The following ULK4 variants were observed in gnomAD, a reference collection of about 807,000 sequenced individuals.
ULK4 encodes the protein inactive serine/threonine-protein kinase ULK4.
ULK4 carries 133 observed loss-of-function variants against 160.6 expected under a neutral mutation model. That is an observed-to-expected ratio of 0.83 (90% CI 0.72 to 0.96). The LOEUF (loss-of-function observed/expected upper bound fraction) is 0.96. Ranked by LOEUF, ULK4 falls within the 40% of genes least tolerant of loss-of-function variation. The pLI is 0.00. For synonymous variants in ULK4, 534 were observed against 539.8 expected, an observed-to-expected ratio of 0.99 and a Z score of 0.15; for missense variants, 1,580 against 1,499.5, an observed-to-expected ratio of 1.05 and a Z score of -0.89.
intron 32 of ULK4, among the ~76,000 whole-genome samples, chr3:41,558,571 G>A (rs2087400278): frequency 6.6e-6 from 1 of 151,934 alleles, no homozygotes; most frequent in African/African-American, 2.4e-5. Flanking sequence ...GGGCATGGTG[G>A]TGGGCGACTG....
intron 35 of ULK4, among the ~76,000 whole-genome samples, chr3:41,282,427 G>A (rs1253290450): frequency 1.3e-5 from 2 of 152,180 alleles, no homozygotes; most frequent in African/African-American, 4.8e-5. Context: ...AACCAAAACA[G>A]CATGGTACTG....
chr3:41,803,375 C>T (rs180758169), intron 19 of ULK4, among the ~76,000 whole-genome samples: 44 of 152,168 alleles, frequency 2.9e-4, no homozygotes, highest in African/African-American at 1.0e-3. Flanking sequence ...CAACTCCATA[C>T]TCATAGATTA....
At chr3:41,632,649 C>T (rs2033796017) in intron 30 of ULK4, among the ~76,000 whole-genome samples, 1 of 151,442 alleles carries the variant, frequency 6.6e-6, no homozygotes, top group Non-Finnish European at 1.5e-5. Flanking sequence ...CCCGTAATGA[C>T]AATAGCAGTA....
At chr3:41,625,003 A>C (rs956454759) in intron 30 of ULK4, among the ~76,000 whole-genome samples, 1 of 152,200 alleles carries the variant, frequency 6.6e-6, no homozygotes, top group Admixed American at 6.5e-5. Context: ...ATGACTTATG[A>C]ACTCACCTCA....
At chr3:41,662,772 C>A (rs576963361) in intron 30 of ULK4, among the ~76,000 whole-genome samples, 2 of 152,180 alleles carry the variant, frequency 1.3e-5, no homozygotes, top group African/African-American at 4.8e-5. Flanking sequence ...CTTTCTTTCT[C>A]CTTTCTTCCC....
At chr3:41,681,425 A>G in intron 29 of ULK4, 83 bp downstream of exon 29, 1 of 1,573,400 alleles carries the variant, frequency 6.4e-7, no homozygotes, top group South Asian at 1.2e-5. Flanking sequence ...TCAAGACCCC[A>G]ACCCCATCAC....
intron 32 of ULK4, among the ~76,000 whole-genome samples, chr3:41,466,560 G>T (rs187628633): frequency 1.3e-5 from 2 of 152,068 alleles, no homozygotes; most frequent in African/African-American, 4.8e-5. Context: ...AATTAAAAAG[G>T]TTCTAGGAGA....
chr3:41,755,051 T>C (rs2038754919), intron 21 of ULK4, among the ~76,000 whole-genome samples: 1 of 152,204 alleles, frequency 6.6e-6, no homozygotes, highest in African/African-American at 2.4e-5. Context: ...TGACAAGGAA[T>C]AGTGCTACTT....
At chr3:41,544,314 C>G (rs1457880670) in intron 32 of ULK4, among the ~76,000 whole-genome samples, 1 of 152,194 alleles carries the variant, frequency 6.6e-6, no homozygotes. Context: ...AACAACTGGC[C>G]AGACATTTCC....
intron 34 of ULK4, among the ~76,000 whole-genome samples, chr3:41,423,293 C>T (rs1280083520): frequency 6.6e-6 from 1 of 152,096 alleles, no homozygotes; most frequent in South Asian, 2.1e-4. Flanking sequence ...TGAATTGTTA[C>T]AATGTGCTTA....
chr3:41,816,235 TACTC>T (rs776531176), intron 19 of ULK4, among the ~76,000 whole-genome samples: 5 of 152,022 alleles, frequency 3.3e-5, no homozygotes, highest in South Asian at 4.1e-4. Flanking sequence ...AATACACACA[TACTC>T]ACACACACAC....
At chr3:41,649,783 C>T (rs2034665011) in intron 30 of ULK4, among the ~76,000 whole-genome samples, 1 of 152,222 alleles carries the variant, frequency 6.6e-6, no homozygotes, top group African/African-American at 2.4e-5. Context: ...GGTTCCTGGG[C>T]AGAAGAGGGA....
intron 27 of ULK4, among the ~76,000 whole-genome samples, chr3:41,699,076 G>C (rs894111300): frequency 6.6e-6 from 1 of 152,102 alleles, no homozygotes; most frequent in Non-Finnish European, 1.5e-5. Context: ...GGAGCTATGA[G>C]CACTTTTAGC....
At chr3:41,576,637 C>T (rs77180912) in intron 31 of ULK4, among the ~76,000 whole-genome samples, 1,763 of 152,284 alleles carry the variant, frequency 0.012, 31 homozygotes, top group Non-Finnish European at 0.018. Context: ...CTAAAATTTG[C>T]TATGTAATGG....
At position 41,301,570 on chromosome 3, in the gene ULK4, A is replaced by G. The variant is rs115554239; in HGVS notation, c.3679-51996T>C. On this transcript the variant is annotated intron_variant, in intron 35 of 36. Transcript: ENST00000301831. The stretch of plus-strand genomic sequence containing the variant: ...AAGAGTTGATCATTATTTTCTACAG[A>G]GACAGGCTTTCTGGCGTGCTACGTT... Among the ~76,000 whole-genome samples, 698 of 152,348 alleles carry G rather than the reference A, an allele frequency of 4.6e-3. 3 individuals are homozygous for G. The highest frequency in any genetic ancestry group is 6.4e-3 in the Non-Finnish European group (436 of 68,034).
At chr3:41,538,297 A>G (rs2086581255) in intron 32 of ULK4, among the ~76,000 whole-genome samples, 1 of 152,162 alleles carries the variant, frequency 6.6e-6, no homozygotes, top group South Asian at 2.1e-4. Context: ...CTATATCACA[A>G]AAAGTTTTTA....
chr3:41,928,516 TAC>T (rs1339791912), intron 5 of ULK4, among the ~76,000 whole-genome samples: 3 of 108,678 alleles, frequency 2.8e-5, no homozygotes, highest in Non-Finnish European at 5.8e-5. Flanking sequence ...ATGAAGGAGA[TAC>T]AGACACGAAA....
chr3:41,599,565 C>CTTTTTT (rs200055034), intron 31 of ULK4, among the ~76,000 whole-genome samples: 6 of 130,760 alleles, frequency 4.6e-5, no homozygotes, highest in East Asian at 2.2e-4. Flanking sequence ...TTTTCTTTTT[C>CTTTTTT]TTTTTTTTTT....
intron 32 of ULK4, among the ~76,000 whole-genome samples, chr3:41,534,814 A>G (rs908140600): frequency 6.6e-6 from 1 of 152,200 alleles, no homozygotes; most frequent in Admixed American, 6.5e-5. Flanking sequence ...GCTCTTTGAG[A>G]ATCTGATATG....
Sources: gnomAD v4.1 joint callset for allele counts (sites outside exome capture counted in the v4.1 genomes callset) on GRCh38, gnomAD v4.1.1 for gene constraint, MANE v1.5 for transcripts, NCBI Gene and HGNC (gene_info 2026-07-23, HGNC 2026-07-21) for gene names.